The following PDE6D variants were observed in gnomAD, a reference collection of about 807,000 sequenced individuals.
The protein encoded by PDE6D is phosphodiesterase 6D.
In PDE6D, 10 loss-of-function variants were observed where a neutral mutation model predicts 21.9. The ratio of observed to expected loss-of-function variants is 0.46; its 90% CI spans 0.28 to 0.78. PDE6D has a LOEUF of 0.78. Ranked by LOEUF, PDE6D falls within the 30% of genes least tolerant of loss-of-function variation. The probability of loss-of-function intolerance (pLI) is 0.12; values close to 1 mark genes in which losing one functional copy is unlikely to be tolerated. For missense variants in PDE6D, 139 were observed against 184.8 expected (o/e 0.75, Z 1.44); for synonymous variants, 59 against 63.5 (o/e 0.93, Z 0.34).
intron 1 of PDE6D, among the ~76,000 whole-genome samples, chr2:231,776,203 C>T (rs187064493): frequency 0.011 from 1,603 of 152,016 alleles, 20 homozygotes; most frequent in Non-Finnish European, 0.018. Flanking sequence ...TGCCTGTAAT[C>T]CCAGCTACTT....
chr2:231,743,945 T>C (rs771369021), intron 1 of PDE6D, among the ~76,000 whole-genome samples: 4 of 152,198 alleles, frequency 2.6e-5, no homozygotes, highest in Admixed American at 6.5e-5. Flanking sequence ...TCTGAAGACA[T>C]AGTCCTCATT....
chr2:231,763,831 C>T (rs2048950412), intron 1 of PDE6D, among the ~76,000 whole-genome samples: 1 of 151,540 alleles, frequency 6.6e-6, no homozygotes, highest in Non-Finnish European at 1.5e-5. Flanking sequence ...GCTGTTGAGA[C>T]AGAGTCTATG....
intron 1 of PDE6D, 68 bp downstream of exon 1, chr2:231,780,997 G>T: frequency 7.2e-7 from 1 of 1,387,280 alleles, no homozygotes; most frequent in Non-Finnish European, 1.0e-6. Flanking sequence ...CCCCGCCCCC[G>T]GCCAGTCTCC....
At chr2:231,767,827 T>G in intron 1 of PDE6D, among the ~76,000 whole-genome samples, 1 of 151,868 alleles carries the variant, frequency 6.6e-6, no homozygotes, top group East Asian at 1.9e-4. Flanking sequence ...ATACTTTGTT[T>G]CTTTAACTAT....
At position 231,781,055 on chromosome 2, in the gene PDE6D, G is replaced by A. The variant is rs1250393120; in HGVS notation, c.50+10C>T. 6.2e-7 allele frequency: 1 copy of A among 1,611,732 alleles called. No homozygotes were observed. Among genetic ancestry groups the A allele is most frequent in the East Asian group, 2.2e-5 (1 of 44,782 alleles). On this transcript the variant is annotated intron_variant, in intron 1 of 4. Transcript: ENST00000287600. ...GTCCTCCCGGCCCCGCCCCGCTCCC[G>A]GACGGATACAGTTTGAAGCCCCTCA...
chr2:231,734,685 T>TAA (rs534122829), intron 4 of PDE6D, among the ~76,000 whole-genome samples: 47 of 132,308 alleles, frequency 3.6e-4, no homozygotes, highest in Middle Eastern at 4.3e-3. Context: ...ACTAAAAATA[T>TAA]AAAAAAAAAA....
chr2:231,777,586 T>C (rs1448867602), intron 1 of PDE6D, among the ~76,000 whole-genome samples: 1 of 152,196 alleles, frequency 6.6e-6, no homozygotes, highest in Non-Finnish European at 1.5e-5. Flanking sequence ...GACCATTCTA[T>C]TGTAAACTAT....
rs1347018492 is a variant in PDE6D, at chr2:231,739,714, C to T, written c.51-526G>A. ...TGGCACAATCTCGGCTCACTACAAC[C>T]TTCATCTCCTTGGTTCAAGCAATTC... On this transcript the variant is annotated intron_variant, in intron 1 of 4. Transcript: ENST00000287600. This position sits in a 1 kb window ranked among gnomAD's most constrained non-coding sequence, Gnocchi z 4.2. Among the ~76,000 whole-genome samples the T allele has an allele frequency of 6.6e-6, 1 of 151,978 alleles. No homozygotes were observed. The highest frequency in any genetic ancestry group is 2.4e-5 in the African/African-American group (1 of 41,368).
intron 4 of PDE6D, among the ~76,000 whole-genome samples, chr2:231,733,670 T>C (rs2048670006): frequency 6.7e-6 from 1 of 149,094 alleles, no homozygotes; most frequent in African/African-American, 2.5e-5. Flanking sequence ...CAGGGATTCC[T>C]GCCCATCTGC....
intron 1 of PDE6D, among the ~76,000 whole-genome samples, chr2:231,755,326 T>C (rs2048874676): frequency 6.6e-6 from 1 of 152,202 alleles, no homozygotes; most frequent in South Asian, 2.1e-4. Flanking sequence ...AACAACTTAC[T>C]TGTAAAAAGA....
intron 1 of PDE6D, among the ~76,000 whole-genome samples, chr2:231,745,346 A>G (rs888102104): frequency 6.6e-6 from 1 of 152,302 alleles, no homozygotes; most frequent in Non-Finnish European, 1.5e-5. Context: ...TGCTAACCAG[A>G]TTTTTTAGAG....
At chr2:231,755,849 G>A (rs1337775641) in intron 1 of PDE6D, among the ~76,000 whole-genome samples, 1 of 152,134 alleles carries the variant, frequency 6.6e-6, no homozygotes, top group African/African-American at 2.4e-5. Flanking sequence ...GAACTTCGGA[G>A]GCAGAGGTTG....
chr2:231,749,483 G>A (rs571013603), intron 1 of PDE6D, among the ~76,000 whole-genome samples: 1 of 151,242 alleles, frequency 6.6e-6, no homozygotes, highest in Admixed American at 6.6e-5. Flanking sequence ...GCCAAGGCAA[G>A]GCAAAGTCTC....
rs144268686 is a variant in PDE6D, at chr2:231,758,027, T to C, written c.51-18839A>G. On this transcript the variant is annotated intron_variant, in intron 1 of 4. Coordinates refer to ENST00000287600, the MANE Select transcript of PDE6D (RefSeq NM_002601.4). ...CCCACAGATTACTGGGTTTAATATT[T>C]TGATGTATATATTTCTAATTTTTGA... is the stretch of plus-strand genomic sequence containing the variant. Among the ~76,000 whole-genome samples the C allele has an allele frequency of 5.3e-5, 8 of 152,322 alleles. No homozygotes were observed. In the East Asian group the frequency reaches 1.2e-3, roughly 22 times the overall value.
intron 1 of PDE6D, among the ~76,000 whole-genome samples, chr2:231,774,121 C>T (rs1362808729): frequency 6.6e-6 from 1 of 151,972 alleles, no homozygotes; most frequent in East Asian, 1.9e-4. Flanking sequence ...TTAGTAGAGA[C>T]GGGATTTCAC....
intron 1 of PDE6D, among the ~76,000 whole-genome samples, chr2:231,740,386 G>A (rs2048737318): frequency 6.6e-6 from 1 of 152,086 alleles, no homozygotes; most frequent in African/African-American, 2.4e-5. Flanking sequence ...GGCAAGGATA[G>A]AAAACAGGAG....
At chr2:231,780,118 C>T (rs2049094174) in intron 1 of PDE6D, among the ~76,000 whole-genome samples, 2 of 152,300 alleles carry the variant, frequency 1.3e-5, no homozygotes, top group East Asian at 1.9e-4. Flanking sequence ...TGGTGACAGA[C>T]TAACACACTC....
intron 1 of PDE6D, among the ~76,000 whole-genome samples, chr2:231,752,801 C>T (rs1288035388): frequency 6.8e-6 from 1 of 147,070 alleles, no homozygotes; most frequent in Non-Finnish European, 1.5e-5. Flanking sequence ...TAGATATATA[C>T]AGAGCAGAAA....
chr2:231,753,702 C>T (rs1045550970), intron 1 of PDE6D, among the ~76,000 whole-genome samples: 1 of 152,012 alleles, frequency 6.6e-6, no homozygotes, highest in African/African-American at 2.4e-5. Context: ...ATGTAAAAAA[C>T]CCCTCTAGTC....
Sources: allele counts gnomAD v4.1 joint callset (sites outside exome capture counted in the v4.1 genomes callset), GRCh38; gene constraint gnomAD v4.1.1; non-coding constraint Gnocchi (gnomAD v3.1); transcripts MANE v1.5; gene names NCBI Gene and HGNC (gene_info 2026-07-23, HGNC 2026-07-21).